Variants in ARHGEF7 observed in about 807,000 individuals in gnomAD.
ARHGEF7 encodes Rho guanine nucleotide exchange factor 7.
Under a neutral mutation model 109.8 loss-of-function variants are expected in ARHGEF7, and 33 were observed. The ratio of observed to expected loss-of-function variants is 0.30; its 90% CI spans 0.23 to 0.40. The LOEUF is 0.40. Among genes scored for constraint, ARHGEF7 ranks in the 10% least tolerant of loss-of-function variants. The pLI is 1.00. For synonymous variants in ARHGEF7, 458 were observed against 424.6 expected, an observed-to-expected ratio of 1.08 and a Z score of -0.97; for missense variants, 938 against 1,098.5, an observed-to-expected ratio of 0.85 and a Z score of 2.07.
intron 8 of ARHGEF7, among the ~76,000 whole-genome samples, chr13:111,251,220 AC>A (rs2089718798): frequency 6.6e-6 from 1 of 152,204 alleles, no homozygotes; most frequent in South Asian, 2.1e-4. Flanking sequence ...CACTTCTGTC[AC>A]TCAGAAAATT....
chr13:111,212,130 GC>G (rs774157073), intron 4 of ARHGEF7, among the ~76,000 whole-genome samples: 11 of 152,184 alleles, frequency 7.2e-5, no homozygotes, highest in Non-Finnish European at 1.2e-4. Flanking sequence ...GAAACCGTCA[GC>G]CCCCTGCCTC....
chr13:111,184,488 T>C (rs577217315), intron 2 of ARHGEF7, among the ~76,000 whole-genome samples: 1 of 152,182 alleles, frequency 6.6e-6, no homozygotes, highest in East Asian at 1.9e-4. Context: ...GTTTGGAGCA[T>C]TTGAGGCAAA....
At chr13:111,264,558 C>T (rs2091423510) in intron 8 of ARHGEF7, among the ~76,000 whole-genome samples, 1 of 152,136 alleles carries the variant, frequency 6.6e-6, no homozygotes, top group Non-Finnish European at 1.5e-5. Flanking sequence ...TTGCAGACCC[C>T]ACTAAATTCC....
intron 19 of ARHGEF7, chr13:111,294,870 C>T (rs2093390336): frequency 1.0e-6 from 1 of 985,698 alleles, no homozygotes; most frequent in South Asian, 4.7e-5. Flanking sequence ...ATGGTGTTCC[C>T]TTTGAAATAA....
intron 9 of ARHGEF7, among the ~76,000 whole-genome samples, chr13:111,268,525 C>G (rs547311453): frequency 6.6e-6 from 1 of 152,282 alleles, no homozygotes; most frequent in South Asian, 2.1e-4. Context: ...TCAGCTTAAC[C>G]GAACATTTCC....
chr13:111,303,200 C>G lies in ARHGEF7; in HGVS notation c.*87C>G. On this transcript the variant is annotated 3_prime_UTR_variant, in exon 22 of 22. Transcript: ENST00000646102. ...CCAAGTCGGGGTGCACTCAGGACCA[C>G]AGGGCAGGGCTGGGTGGGGCGCCAC... 1 of 1,041,318 alleles carries G rather than the reference C, an allele frequency of 9.6e-7. No individual in the cohort carries two copies. 64.5% of individuals were successfully genotyped at this position (1,041,318 alleles called of 1,614,324 possible). A position where few individuals can be genotyped will look rare whatever the true frequency, so the allele number is the denominator to read the frequency against.
intron 3 of ARHGEF7, 92 bp from the exon 4 acceptor site, chr13:111,209,780 G>C: frequency 6.8e-7 from 1 of 1,469,892 alleles, no homozygotes; most frequent in Non-Finnish European, 9.2e-7. Flanking sequence ...GTGTCCCTCT[G>C]TGCTGCCCTA....
rs1434752522 is a variant in ARHGEF7, at chr13:111,267,617, C to T, written c.1020C>T (p.Tyr340=). The change falls in exon 9 of 22, where the codon TAC becomes TAT. Residue 340 remains tyrosine (Y), a synonymous_variant. Transcript: ENST00000646102. ...TGATGCCACAGATGAAAACCCTGTA[C>T]CTCACGTATTGTGCCAATCACCCTT... ...LNLMPQMKTL[Y]LTYCANHPSA... 1.9e-6 allele frequency: 3 copies of T among 1,614,044 alleles called. No individual in the cohort carries two copies. The highest frequency in any genetic ancestry group is 2.5e-6 in the Non-Finnish European group (3 of 1,179,992).
At chr13:111,283,431 C>G in intron 16 of ARHGEF7, 68 bp downstream of exon 16, 1 of 1,508,728 alleles carries the variant, frequency 6.6e-7, no homozygotes, top group Middle Eastern at 2.2e-4. Flanking sequence ...GGTGTGCCCA[C>G]GTGCTGGGCC....
At chr13:111,160,710 A>G (rs1594117482) in intron 2 of ARHGEF7, among the ~76,000 whole-genome samples, 1 of 152,250 alleles carries the variant, frequency 6.6e-6, no homozygotes, top group East Asian at 1.9e-4. Context: ...AGATGGGATC[A>G]TGGGGGTGAT....
intron 6 of ARHGEF7, among the ~76,000 whole-genome samples, chr13:111,236,888 C>A (rs1033368523): frequency 3.9e-5 from 6 of 152,184 alleles, no homozygotes; most frequent in Admixed American, 2.6e-4. Context: ...TTGCTTGAGC[C>A]CTGGAGTTTG....
At chr13:111,275,204 G>T (rs1450729735) in intron 11 of ARHGEF7, among the ~76,000 whole-genome samples, 1 of 152,070 alleles carries the variant, frequency 6.6e-6, no homozygotes, top group Non-Finnish European at 1.5e-5. Flanking sequence ...TTCCATATTG[G>T]CAAACACGAA....
At chr13:111,277,770 G>T in intron 13 of ARHGEF7, 97 bp downstream of exon 13, 1 of 828,956 alleles carries the variant, frequency 1.2e-6, no homozygotes, top group South Asian at 1.5e-5. Flanking sequence ...ATCTATCTGT[G>T]TATGTGCTGT....
rs1013680331 is a variant in ARHGEF7, at chr13:111,305,017, G to A, written c.*1904G>A. The A allele has an allele frequency of 3.9e-5, 6 of 152,348 alleles. No individual in the cohort carries two copies. Among genetic ancestry groups the A allele is most frequent in the East Asian group, 3.9e-4 (2 of 5,180 alleles). 9.4% of individuals were successfully genotyped at this position (152,348 alleles called of 1,614,324 possible). ...TCTCTCCGCCCCTCTGCCGGGAGGC[G>A]ACATTAACTGTCCTCTCGGAGCCGG... is the stretch of plus-strand genomic sequence containing the variant. On this transcript the variant is annotated 3_prime_UTR_variant, in exon 22 of 22. Transcript: ENST00000646102.
At chr13:111,185,311 T>C (rs1164465985) in intron 2 of ARHGEF7, 1 of 152,276 alleles carries the variant, frequency 6.6e-6, no homozygotes, top group African/African-American at 2.4e-5. Context: ...AACTGTTAGG[T>C]CATTCAGAGT....
At position 111,209,922 on chromosome 13, in the gene ARHGEF7, A is replaced by C. The variant is rs752211697; in HGVS notation, c.388A>C (p.Ile130Leu). 9 of 1,614,184 alleles carry C rather than the reference A, an allele frequency of 5.6e-6. No homozygotes were observed. The South Asian group carries it at 8.8e-5, about 16-fold the overall frequency. The change falls in exon 4 of 22, where the codon ATA (isoleucine) becomes CTA (leucine). Residue 130 changes from isoleucine (I) to leucine (L), a missense_variant. Ile to Leu is a conservative substitution (Grantham distance 5). Coordinates refer to ENST00000646102, the MANE Select transcript of ARHGEF7 (RefSeq NM_001354046.2). ...GTGTGCCCGGCCCTCGTCTCACCGCATAAAGTCTTTTGACTCCCTTGGATC... is the reference window on the plus strand; with the variant it reads ...GTGTGCCCGGCCCTCGTCTCACCGCCTAAAGTCTTTTGACTCCCTTGGATC... ...SVCARPSSHR[I>L]KSFDSLGSQS...
intron 1 of ARHGEF7, among the ~76,000 whole-genome samples, chr13:111,138,816 GA>G (rs2075210436): frequency 6.6e-6 from 1 of 152,140 alleles, no homozygotes; most frequent in African/African-American, 2.4e-5. Context: ...GGCCATAGGA[GA>G]AAACACTGCA....
At chr13:111,134,804 C>G (rs1158623802) in intron 1 of ARHGEF7, among the ~76,000 whole-genome samples, 1 of 152,082 alleles carries the variant, frequency 6.6e-6, no homozygotes, top group Non-Finnish European at 1.5e-5. Flanking sequence ...TTAATTAGAT[C>G]CCATTTGTCA....
In ARHGEF7 at chr13:111,255,470, C is replaced by T. The variant is rs541647120; in HGVS notation, c.950+11176C>T. 9.2e-5 allele frequency among the ~76,000 whole-genome samples: 14 copies of T among 152,290 alleles called. No individual in the cohort carries two copies. In the South Asian group the frequency reaches 2.3e-3, roughly 25 times the overall value. On this transcript the variant is annotated intron_variant, in intron 8 of 21. Coordinates refer to ENST00000646102, the MANE Select transcript of ARHGEF7 (RefSeq NM_001354046.2). The surrounding 1 kb of genome is among the most constrained non-coding windows in gnomAD (Gnocchi z 4.1). ...CTGGTGTCACCCACCCAGAGTCTTG[C>T]GGAGGTAAAGTGGCCTGGTACTTAC...
Sources: allele counts gnomAD v4.1 joint callset (sites outside exome capture counted in the v4.1 genomes callset), GRCh38; gene constraint gnomAD v4.1.1; non-coding constraint Gnocchi (gnomAD v3.1); transcripts MANE v1.5; gene names NCBI Gene and HGNC (gene_info 2026-07-23, HGNC 2026-07-21).